Variants in DMD observed in about 807,000 individuals in gnomAD.
DMD encodes the protein dystrophin.
A neutral mutation model predicts 330.1 loss-of-function variants in DMD; 63 were observed. The observed-to-expected ratio is 0.19, with a 90% confidence interval of 0.16 to 0.24. The LOEUF is 0.24. Among genes scored for constraint, DMD ranks in the 10% least tolerant of loss-of-function variants. The probability of loss-of-function intolerance (pLI) is 1.00; values close to 1 mark genes in which losing one functional copy is unlikely to be tolerated. For missense variants in DMD, 3,344 were observed against 2,684.1 expected (o/e 1.25, Z -5.43); for synonymous variants, 1,223 against 959.8 (o/e 1.27, Z -5.07).
rs773939250 is a variant in DMD, at chrX:31,289,251, CAAAAAAA to C, written c.9225-28242_9225-28236del. Among the ~76,000 whole-genome samples, 80 of 23,590 alleles carry C rather than the reference CAAAAAAA, an allele frequency of 3.4e-3. 1 individual carries two copies. The highest frequency in any genetic ancestry group is 0.016 in the African/African-American group (73 of 4,568). 20.5% of individuals were successfully genotyped at this position (23,590 alleles called of 115,157 possible). A position where few individuals can be genotyped will look rare whatever the true frequency, so the allele number is the denominator to read the frequency against. ...CTGCACTCCAGCCTGGGTGACAGAG[CAAAAAAA>C]AAAAAAATAAAAAATAAAATAAAAT... On this transcript the variant is annotated intron_variant, in intron 62 of 78. Coordinates refer to ENST00000357033, the MANE Select transcript of DMD (RefSeq NM_004006.3).
intron 7 of DMD, among the ~76,000 whole-genome samples, chrX:32,748,563 T>C (rs2070387246): frequency 1.8e-5 from 2 of 111,219 alleles, no homozygotes; most frequent in African/African-American, 6.5e-5. Flanking sequence ...GAAATGAGTC[T>C]TAGGGCTAGG....
chrX:33,046,802 A>G (rs1339991028), intron 1 of DMD, among the ~76,000 whole-genome samples: 1 of 112,597 alleles, frequency 8.9e-6, no homozygotes. Context: ...AGCATTCAGT[A>G]CAGCAAAGTA....
At chrX:33,207,814 C>T (rs936856022) in intron 1 of DMD, among the ~76,000 whole-genome samples, 3 of 111,248 alleles carry the variant, frequency 2.7e-5, no homozygotes, top group Non-Finnish European at 3.8e-5. Flanking sequence ...TTTTGAAGAT[C>T]AGTATACTGC....
Position 32,676,388 on chromosome X carries a change from A to G in DMD, c.960+21482T>C, listed in dbSNP as rs368679478. On this transcript the variant is annotated intron_variant, in intron 9 of 78. Coordinates refer to ENST00000357033, the MANE Select transcript of DMD (RefSeq NM_004006.3). ...AGATTTTCAACATGGATAATATAAC[A>G]TAAAGGACTTATCTGTCTGTACCAT... 1.7e-3 allele frequency among the ~76,000 whole-genome samples: 185 copies of G among 111,172 alleles called. 8 individuals carry two copies. In the South Asian group the frequency reaches 0.06, roughly 36 times the overall value.
intron 63 of DMD, among the ~76,000 whole-genome samples, chrX:31,225,738 G>T (rs1158026716): frequency 8.9e-6 from 1 of 111,815 alleles, no homozygotes; most frequent in Non-Finnish European, 1.9e-5. Context: ...TGAATTTCTA[G>T]CAAGTTTCCA....
intron 56 of DMD, among the ~76,000 whole-genome samples, chrX:31,504,150 C>T (rs975570342): frequency 3.6e-5 from 4 of 110,906 alleles, no homozygotes; most frequent in Non-Finnish European, 3.8e-5. Context: ...ATATAAACAG[C>T]GTCCAAGGTA....
At chrX:32,654,565 A>G (rs945109192) in intron 9 of DMD, among the ~76,000 whole-genome samples, 1 of 111,248 alleles carries the variant, frequency 9.0e-6, no homozygotes, top group Non-Finnish European at 1.9e-5. Flanking sequence ...TATTTTATTG[A>G]GGATTTTTGC....
intron 7 of DMD, among the ~76,000 whole-genome samples, chrX:32,804,485 C>A (rs905356433): frequency 2.7e-5 from 3 of 112,419 alleles, no homozygotes; most frequent in Admixed American, 9.4e-5. Context: ...CAGCGGCTTA[C>A]AGATAAAACT....
chrX:33,166,201 G>A (rs944537675), intron 1 of DMD, among the ~76,000 whole-genome samples: 36 of 110,904 alleles, frequency 3.2e-4, no homozygotes, highest in Non-Finnish European at 2.8e-4. Context: ...TAGTAGTCTA[G>A]GTGTTAGAAA....
chrX:31,214,944 T>TTTTTTC (rs1373448872), intron 64 of DMD, among the ~76,000 whole-genome samples: 105 of 26,607 alleles, frequency 3.9e-3, no homozygotes, highest in Non-Finnish European at 6.5e-3. Flanking sequence ...TTTCTTTTTT[T>TTTTTTC]TTTTTTTTTT....
intron 2 of DMD, among the ~76,000 whole-genome samples, chrX:32,887,495 A>T (rs2084719894): frequency 9.1e-6 from 1 of 109,549 alleles, no homozygotes; most frequent in Non-Finnish European, 1.9e-5. Flanking sequence ...CATGCCTGTA[A>T]TCCCAGTACT....
intron 47 of DMD, among the ~76,000 whole-genome samples, chrX:31,888,923 G>A (rs1230542519): frequency 1.8e-5 from 2 of 111,794 alleles, no homozygotes; most frequent in Non-Finnish European, 3.8e-5. Context: ...TAAAGCATGT[G>A]GATTTTACTT....
chrX:32,056,162 G>T (rs945889873), intron 44 of DMD, among the ~76,000 whole-genome samples: 1 of 109,877 alleles, frequency 9.1e-6, no homozygotes, highest in African/African-American at 3.3e-5. Flanking sequence ...AGTATTTACA[G>T]CATTGTCCTT....
At chrX:31,394,419 T>C (rs2060818408) in intron 60 of DMD, among the ~76,000 whole-genome samples, 1 of 112,712 alleles carries the variant, frequency 8.9e-6, no homozygotes, top group African/African-American at 3.2e-5. Flanking sequence ...TCAGTTTTTC[T>C]AAACTACCTT....
intron 42 of DMD, among the ~76,000 whole-genome samples, chrX:32,308,046 T>G: frequency 9.1e-6 from 1 of 109,994 alleles, no homozygotes; most frequent in African/African-American, 3.3e-5. Context: ...TTAGCTAGTG[T>G]TTTTGCTATT....
At chrX:31,831,148 C>A (rs980701806) in intron 49 of DMD, among the ~76,000 whole-genome samples, 11 of 111,922 alleles carry the variant, frequency 9.8e-5, no homozygotes, top group African/African-American at 3.2e-4. Context: ...GGTAAATATT[C>A]TTAATTTTTT....
intron 2 of DMD, among the ~76,000 whole-genome samples, chrX:32,917,364 C>T (rs1050776637): frequency 1.8e-5 from 2 of 111,431 alleles, no homozygotes; most frequent in Non-Finnish European, 3.8e-5. Flanking sequence ...ACATGTAACA[C>T]GAAAATATGT....
intron 30 of DMD, among the ~76,000 whole-genome samples, chrX:32,398,385 T>C (rs1199085516): frequency 9.1e-6 from 1 of 109,813 alleles, no homozygotes; most frequent in Non-Finnish European, 1.9e-5. Context: ...TCTATTTCAG[T>C]GTCTCCCCTA....
At chrX:32,453,076 C>A (rs1321140460) in intron 26 of DMD, among the ~76,000 whole-genome samples, 3 of 110,877 alleles carry the variant, frequency 2.7e-5, no homozygotes, top group Admixed American at 1.9e-4. Flanking sequence ...AGCATCCTAC[C>A]ACCCTCAAAT....
Sources: gnomAD v4.1 joint callset for allele counts (sites outside exome capture counted in the v4.1 genomes callset) on GRCh38, gnomAD v4.1.1 for gene constraint, MANE v1.5 for transcripts, NCBI Gene and HGNC (gene_info 2026-07-23, HGNC 2026-07-21) for gene names.